Variants in GPC5 observed in about 807,000 individuals in gnomAD.
GPC5 encodes glypican 5.
A neutral mutation model predicts 53.9 loss-of-function variants in GPC5; 47 were observed. The ratio of observed to expected loss-of-function variants is 0.87; its 90% CI spans 0.69 to 1.11. GPC5 has a LOEUF of 1.11. Among genes scored for constraint, GPC5 ranks in the 50% most tolerant of loss-of-function variants. The probability of loss-of-function intolerance (pLI) is 0.00; values close to 1 mark genes in which losing one functional copy is unlikely to be tolerated. For synonymous variants in GPC5, 286 were observed against 263.3 expected (o/e 1.09, Z -0.84); for missense variants, 748 against 713.1 (o/e 1.05, Z -0.56).
chr13:92,729,361 TA>T (rs1480089530), intron 7 of GPC5, among the ~76,000 whole-genome samples: 1 of 151,392 alleles, frequency 6.6e-6, no homozygotes, highest in Non-Finnish European at 1.5e-5. Flanking sequence ...GTAATGTAAT[TA>T]GTAGAAATTG....
At chr13:91,885,394 C>T (rs2039311011) in intron 5 of GPC5, among the ~76,000 whole-genome samples, 1 of 152,094 alleles carries the variant, frequency 6.6e-6, no homozygotes, top group Non-Finnish European at 1.5e-5. Flanking sequence ...AGGAGTTTGG[C>T]TAGTTGCTAT....
At chr13:92,270,574 G>C (rs1449290341) in intron 7 of GPC5, among the ~76,000 whole-genome samples, 2 of 152,144 alleles carry the variant, frequency 1.3e-5, no homozygotes, top group East Asian at 1.9e-4. Flanking sequence ...AAGTTACCCA[G>C]TCTCAAGTAT....
chr13:92,240,009 A>T (rs564552048), intron 7 of GPC5: 6 of 132,562 alleles, frequency 4.5e-5, no homozygotes, highest in South Asian at 2.6e-4. Flanking sequence ...TTAAACAAAA[A>T]CTGTATAAAT....
intron 1 of GPC5, among the ~76,000 whole-genome samples, chr13:91,441,837 G>A (rs541105468): frequency 1.9e-4 from 29 of 152,236 alleles, no homozygotes; most frequent in African/African-American, 7.0e-4. Flanking sequence ...TTTTTCTATT[G>A]TGAATTTCAA....
intron 7 of GPC5, among the ~76,000 whole-genome samples, chr13:92,520,342 A>G (rs1261548028): frequency 1.3e-5 from 2 of 152,146 alleles, no homozygotes; most frequent in Non-Finnish European, 1.5e-5. Flanking sequence ...AGAATTTTAG[A>G]CCAATATCCC....
chr13:92,486,509 T>C (rs1190037971), intron 7 of GPC5, among the ~76,000 whole-genome samples: 1 of 152,208 alleles, frequency 6.6e-6, no homozygotes, highest in Non-Finnish European at 1.5e-5. Flanking sequence ...TAAAAAATAC[T>C]GTGTTTGATT....
intron 7 of GPC5, among the ~76,000 whole-genome samples, chr13:92,737,756 T>C (rs1888976320): frequency 2.6e-5 from 2 of 78,386 alleles, no homozygotes; most frequent in South Asian, 6.3e-4. Context: ...TTCTTTTTTT[T>C]TTTCTTTTTC....
At chr13:92,775,212 C>A (rs905122454) in intron 7 of GPC5, among the ~76,000 whole-genome samples, 1 of 152,128 alleles carries the variant, frequency 6.6e-6, no homozygotes, top group African/African-American at 2.4e-5. Flanking sequence ...CTATTAAGTG[C>A]AACTGAGCCA....
intron 7 of GPC5, among the ~76,000 whole-genome samples, chr13:92,433,760 G>A (rs2209839): frequency 0.62 from 94,292 of 151,976 alleles, 29,484 homozygotes; most frequent in East Asian, 0.74. Context: ...GCCTGTTGCC[G>A]TGTGTTGAGA....
intron 7 of GPC5, among the ~76,000 whole-genome samples, chr13:92,799,327 A>G: frequency 6.6e-6 from 1 of 151,952 alleles, no homozygotes; most frequent in East Asian, 1.9e-4. Context: ...TATATGTTAA[A>G]TTAGCAGACT....
At chr13:92,305,119 A>T (rs1447887216) in intron 7 of GPC5, among the ~76,000 whole-genome samples, 1 of 152,210 alleles carries the variant, frequency 6.6e-6, no homozygotes, top group Admixed American at 6.5e-5. Context: ...CATCTCAACT[A>T]TTCATACTAA....
chr13:92,642,585 G>C (rs1885630495), intron 7 of GPC5, among the ~76,000 whole-genome samples: 1 of 152,174 alleles, frequency 6.6e-6, no homozygotes, highest in African/African-American at 2.4e-5. Flanking sequence ...CGTTACAAAT[G>C]GCCGACATTT....
intron 7 of GPC5, among the ~76,000 whole-genome samples, chr13:92,495,505 C>T (rs1879938548): frequency 6.6e-6 from 1 of 152,070 alleles, no homozygotes; most frequent in Non-Finnish European, 1.5e-5. Context: ...GGATATGCTG[C>T]CAGTCTCGAA....
intron 7 of GPC5, among the ~76,000 whole-genome samples, chr13:92,758,355 T>C (rs576499677): frequency 1.7e-4 from 26 of 148,960 alleles, no homozygotes; most frequent in African/African-American, 5.9e-4. Flanking sequence ...GGGATAGCTT[T>C]GGGAGATATA....
At chr13:92,380,576 C>T (rs2043730377) in intron 7 of GPC5, among the ~76,000 whole-genome samples, 1 of 151,976 alleles carries the variant, frequency 6.6e-6, no homozygotes, top group Admixed American at 6.6e-5. Context: ...AAATGTGGCA[C>T]ATATACACCA....
chr13:92,862,626 C>T (rs8181827), intron 7 of GPC5, among the ~76,000 whole-genome samples: 3,357 of 129,746 alleles, frequency 0.026, 76 homozygotes, highest in East Asian at 0.1. Flanking sequence ...GATAGATAGA[C>T]AGATAGATAG....
chr13:92,106,359 T>C (rs138205480), intron 6 of GPC5, among the ~76,000 whole-genome samples: 40 of 152,162 alleles, frequency 2.6e-4, no homozygotes, highest in Middle Eastern at 3.4e-3. Flanking sequence ...TTGAAAAATA[T>C]AAGAATCTCA....
chr13:92,540,195 G>C (rs2139001056), intron 7 of GPC5, among the ~76,000 whole-genome samples: 1 of 152,014 alleles, frequency 6.6e-6, no homozygotes, highest in Non-Finnish European at 1.5e-5. Context: ...AATATGAAAA[G>C]CTCTATCATG....
chr13:92,559,095 G>T (rs1015103284), intron 7 of GPC5, among the ~76,000 whole-genome samples: 1 of 151,776 alleles, frequency 6.6e-6, no homozygotes, highest in African/African-American at 2.4e-5. Flanking sequence ...CACCCTTGGT[G>T]CTTGGCTTAT....
Sources: allele counts gnomAD v4.1 joint callset (sites outside exome capture counted in the v4.1 genomes callset), GRCh38; gene constraint gnomAD v4.1.1; transcripts MANE v1.5; gene names NCBI Gene and HGNC (gene_info 2026-07-23, HGNC 2026-07-21).